Variants in FLT4 observed in about 807,000 individuals in gnomAD.
FLT4 encodes vascular endothelial growth factor receptor 3.
Under a neutral mutation model 163.2 loss-of-function variants are expected in FLT4, and 30 were observed. That is an observed-to-expected ratio of 0.18 (90% CI 0.14 to 0.25). FLT4 has a LOEUF of 0.25. Among genes scored for constraint, FLT4 ranks in the 10% least tolerant of loss-of-function variants. The pLI, the probability that FLT4 is intolerant of heterozygous loss-of-function variation, is 1.00. For missense variants in FLT4, 1,510 were observed against 1,863.8 expected (o/e 0.81, Z 3.50); for synonymous variants, 884 against 789.5 (o/e 1.12, Z -2.01).
Position 180,611,478 on chromosome 5 carries a change from T to C in FLT4, c.3539A>G (p.Glu1180Gly), listed in dbSNP as rs1188868499. 1.9e-6 allele frequency: 3 copies of C among 1,613,226 alleles called. No individual in the cohort carries two copies. Among genetic ancestry groups the C allele is most frequent in the Non-Finnish European group, 2.5e-6 (3 of 1,179,838 alleles). ...GDLLQGRGLQ[E>G]EEEVCMAPRS... ...CGGGGCCATGCAGACCTCCTCTTCCTCCTGGCGGGAACAGGAGAGGCAGCC... is the reference window on the plus strand; with the variant it reads ...CGGGGCCATGCAGACCTCCTCTTCCCCCTGGCGGGAACAGGAGAGGCAGCC... The change falls in exon 27 of 30, where the codon GAG (glutamate) becomes GGG (glycine). Residue 1180 changes from glutamate (E) to glycine (G), a missense_variant and splice_region_variant. Glu to Gly is a moderately conservative substitution (Grantham distance 98, BLOSUM62 -2). Around this residue, in one of 5 missense-constraint regions of FLT4, gnomAD observed 295 missense variants for 311.0 expected, o/e 0.95. Transcript: ENST00000261937.
intron 14 of FLT4, 47 bp from the exon 15 acceptor site, chr5:180,621,054 G>T (rs778740732): frequency 6.2e-7 from 1 of 1,612,072 alleles, no homozygotes; most frequent in East Asian, 2.2e-5. Flanking sequence ...GTTTGGGATC[G>T]TCGGCCTCGC....
At chr5:180,626,341 A>ACTGT in intron 8 of FLT4, 76 bp from the exon 9 acceptor site, 4 of 1,527,502 alleles carry the variant, frequency 2.6e-6, no homozygotes, top group Non-Finnish European at 3.6e-6. Flanking sequence ...CCCCACCCCA[A>ACTGT]ATACAGTTGG....
intron 6 of FLT4, 86 bp downstream of exon 6, chr5:180,629,610 C>T: frequency 3.3e-6 from 5 of 1,524,890 alleles, no homozygotes; most frequent in South Asian, 1.2e-5. Context: ...TGGGCCCACA[C>T]ATCCTCCACG....
At chr5:180,610,854 G>A (rs1315891982) in intron 27 of FLT4, among the ~76,000 whole-genome samples, 2 of 152,136 alleles carry the variant, frequency 1.3e-5, no homozygotes, top group Non-Finnish European at 2.9e-5. Flanking sequence ...TCAGGAGATC[G>A]AGACCATCCT....
At position 180,620,960 on chromosome 5, in the gene FLT4, G is replaced by T. The variant is rs1396050542; in HGVS notation, c.2215C>A (p.Arg739Ser). ...AGATAGCGTCCCGCATCCTCCTCGC[G>T]CACGCGCTGGATGCTCAGCTTCTGG... ...SNQKLSIQRV[R>S]EEDAGRYLCS... Residue 739 changes from arginine to serine, a missense_variant, in exon 15 of 30, where the codon CGC (arginine) becomes AGC (serine). By Grantham distance (110) the Arg-to-Ser change is moderately radical. Coordinates refer to ENST00000261937, the MANE Select transcript of FLT4 (RefSeq NM_182925.5). The surrounding 1 kb of genome is among the most constrained non-coding windows in gnomAD (Gnocchi z 4.4). 6 of 1,610,330 alleles carry T rather than the reference G, an allele frequency of 3.7e-6. No individual in the cohort carries two copies. Among genetic ancestry groups the T allele is most frequent in the Non-Finnish European group, 5.1e-6 (6 of 1,178,662 alleles).
In FLT4 at chr5:180,623,887, C is replaced by T. The variant is rs759887862; in HGVS notation, c.1548+48G>A. On this transcript the variant is annotated intron_variant, in intron 11 of 29. Coordinates refer to ENST00000261937, the MANE Select transcript of FLT4 (RefSeq NM_182925.5). The surrounding 1 kb of genome is among the most constrained non-coding windows in gnomAD (Gnocchi z 5.8). ...ACATGGCAGTAATGGCCTCTCTCTC[C>T]TCCCTTCTCCTTCTCCCTGGGCACT... 75 of 1,610,716 alleles carry T rather than the reference C, an allele frequency of 4.7e-5. No homozygotes were observed. In the Middle Eastern group the frequency reaches 4.9e-4, roughly 11 times the overall value.
intron 23 of FLT4, 38 bp downstream of exon 23, chr5:180,616,329 C>A (rs755426190): frequency 1.2e-6 from 2 of 1,613,356 alleles, no homozygotes; most frequent in South Asian, 1.1e-5. Context: ...TTCACCTGTT[C>A]CGCCCCACGT....
chr5:180,635,069 T>G (rs1317689294), intron 1 of FLT4, among the ~76,000 whole-genome samples: 5 of 1,090 alleles, frequency 4.6e-3, no homozygotes, highest in African/African-American at 0.014. Flanking sequence ...TGGATGGAAG[T>G]ATGGGTGGGA....
chr5:180,625,283 C>T (rs548136487), intron 10 of FLT4, among the ~76,000 whole-genome samples: 2 of 152,388 alleles, frequency 1.3e-5, no homozygotes, highest in South Asian at 2.1e-4. Context: ...AAATGTCCTG[C>T]TGGCATCCCG....
chr5:180,604,172 T>C (rs1761666451), intron 29 of FLT4, among the ~76,000 whole-genome samples: 1 of 152,160 alleles, frequency 6.6e-6, no homozygotes, highest in Admixed American at 6.5e-5. Context: ...ACTGGAGCTC[T>C]GTCCCTACCT....
chr5:180,608,293 G>A (rs1385085449), intron 29 of FLT4: 1 of 700,684 alleles, frequency 1.4e-6, no homozygotes, highest in East Asian at 2.7e-5. Flanking sequence ...ACCTAAGAGG[G>A]AAGGGCCCCG....
chr5:180,628,949 T>C lies in FLT4; in HGVS notation c.1036A>G (p.Thr346Ala). 6.2e-7 allele frequency: 1 copy of C among 1,612,784 alleles called. No homozygotes were observed. Among genetic ancestry groups the C allele is most frequent in the Non-Finnish European group, 8.5e-7 (1 of 1,179,964 alleles). The change falls in exon 8 of 30, where the codon ACG (threonine) becomes GCG (alanine). Residue 346 changes from threonine (T) to alanine (A), a missense_variant. Transcript: ENST00000261937. Reference protein sequence around the residue: ...EWLKGPILEATAGDELVKLPV... With the variant: ...EWLKGPILEAAAGDELVKLPV... Reference sequence around the variant, plus strand: ...AGCTTCACCAGCTCGTCTCCTGCCGTGGCCTCCAGGATGGGTCCTTTGAGC... The same window carrying C: ...AGCTTCACCAGCTCGTCTCCTGCCGCGGCCTCCAGGATGGGTCCTTTGAGC...
chr5:180,627,155 C>G (rs1449299512), intron 8 of FLT4, among the ~76,000 whole-genome samples: 1 of 152,232 alleles, frequency 6.6e-6, no homozygotes. Flanking sequence ...GGAGATGCTC[C>G]TCCTTTGGAC....
chr5:180,642,594 C>T (rs1306513701), intron 1 of FLT4, among the ~76,000 whole-genome samples: 1 of 152,152 alleles, frequency 6.6e-6, no homozygotes, highest in Admixed American at 6.5e-5. Context: ...GGGGCTTCAA[C>T]CCCACTCTGT....
chr5:180,618,878 C>G lies in FLT4; in HGVS notation c.2893G>C (p.Glu965Gln), dbSNP rs1762885613. The G allele has an allele frequency of 6.3e-7, 1 of 1,587,744 alleles. No homozygotes were observed. The highest frequency in any genetic ancestry group is 1.1e-5 in the South Asian group (1 of 87,434). ...CGCCTCCGATCCAGCCTGGCGAGCT[C>G]CACCATGGCGCGGAAGCGTCCGCGC... The part of the protein sequence containing the change: ...EQRGRFRAMV[E>Q]LARLDRRRPG... Residue 965 changes from glutamate to glutamine, a missense_variant, in exon 21 of 30, where the codon GAG becomes CAG. Glu to Gln is a conservative substitution (Grantham distance 29, BLOSUM62 2). Transcript: ENST00000261937.
intron 1 of FLT4, among the ~76,000 whole-genome samples, chr5:180,644,789 T>C (rs904013186): frequency 2.6e-5 from 4 of 152,188 alleles, no homozygotes; most frequent in African/African-American, 9.7e-5. Flanking sequence ...CAAATCAATC[T>C]CCATTTGGTA....
chr5:180,623,890 C>T lies in FLT4; in HGVS notation c.1548+45G>A. Reference sequence around the variant, plus strand: ...TGGCAGTAATGGCCTCTCTCTCCTCCCTTCTCCTTCTCCCTGGGCACTCAG... The same window carrying T: ...TGGCAGTAATGGCCTCTCTCTCCTCTCTTCTCCTTCTCCCTGGGCACTCAG... On this transcript the variant is annotated intron_variant, in intron 11 of 29. Transcript: ENST00000261937. The surrounding 1 kb of genome is among the most constrained non-coding windows in gnomAD (Gnocchi z 5.8). 6.2e-7 allele frequency: 1 copy of T among 1,611,492 alleles called. No homozygotes were observed. The highest frequency in any genetic ancestry group is 8.5e-7 in the Non-Finnish European group (1 of 1,178,490).
Position 180,618,934 on chromosome 5 carries a change from A to C in FLT4, c.2851-14T>G. 6.4e-7 allele frequency: 1 copy of C among 1,574,266 alleles called. No individual in the cohort carries two copies. Among genetic ancestry groups the C allele is most frequent in the Non-Finnish European group, 8.6e-7 (1 of 1,161,080 alleles). ...GGGAGACTTCTCCTGCGGATGCACG[A>C]AGCTGGCTCGAGGGCGCCCAGTCGT... On this transcript the variant is annotated splice_polypyrimidine_tract_variant and intron_variant, in intron 20 of 29. Transcript: ENST00000261937.
chr5:180,627,705 T>C (rs984348132), intron 8 of FLT4, among the ~76,000 whole-genome samples: 3 of 152,156 alleles, frequency 2.0e-5, no homozygotes, highest in Non-Finnish European at 4.4e-5. Flanking sequence ...GGCAGCTGCC[T>C]GAGGACTGGG....
Sources: allele counts gnomAD v4.1 joint callset (sites outside exome capture counted in the v4.1 genomes callset), GRCh38; gene constraint gnomAD v4.1.1; regional missense constraint gnomAD v4.1.1; non-coding constraint Gnocchi (gnomAD v3.1); transcripts MANE v1.5; gene names NCBI Gene and HGNC (gene_info 2026-07-23, HGNC 2026-07-21).